Variants in BCAS3 observed in about 807,000 individuals in gnomAD.
BCAS3 encodes BCAS4/BCAS3 fusion.
A neutral mutation model predicts 116.1 loss-of-function variants in BCAS3; 53 were observed. The observed-to-expected ratio is 0.46, with a 90% CI of 0.37 to 0.57. The LOEUF is 0.57. BCAS3 is among the 20% of genes least tolerant of loss of function. The pLI, the probability that BCAS3 is intolerant of heterozygous loss-of-function variation, is 0.00. For missense variants in BCAS3, 917 were observed against 1,165.4 expected (o/e 0.79, Z 3.10); for synonymous variants, 391 against 408.2 (o/e 0.96, Z 0.51).
At chr17:60,724,848 T>C (rs1461388157) in intron 5 of BCAS3, among the ~76,000 whole-genome samples, 1 of 152,002 alleles carries the variant, frequency 6.6e-6, no homozygotes, top group Non-Finnish European at 1.5e-5. Context: ...TATTTCTTTT[T>C]TGTTTCATTT....
intron 23 of BCAS3, chr17:61,383,647 C>G (rs1390001986): frequency 1.3e-5 from 2 of 152,294 alleles, no homozygotes; most frequent in Non-Finnish European, 2.9e-5. Flanking sequence ...GAGCACAGGC[C>G]TTTGCCTTTG....
At chr17:61,201,148 A>G (rs914448822) in intron 22 of BCAS3, among the ~76,000 whole-genome samples, 3 of 152,252 alleles carry the variant, frequency 2.0e-5, no homozygotes, top group African/African-American at 7.2e-5. Flanking sequence ...CCAAACAATG[A>G]CAGGAATATT....
chr17:61,335,502 G>A (rs935319701), intron 22 of BCAS3, among the ~76,000 whole-genome samples: 16 of 152,256 alleles, frequency 1.1e-4, no homozygotes, highest in Admixed American at 5.2e-4. Context: ...TCAGAGCTCC[G>A]GGGAGTCAGG....
chr17:61,276,706 G>GATCCTAAAATTTACAT lies in BCAS3; in HGVS notation c.2426-91618_2426-91603dup, dbSNP rs1300788149. ...ACTTATTTGCAGAAATTGACAAGCT[G>GATCCTAAAATTTACAT]ATCCTAAAATTTACATATAAATTCA... is the stretch of plus-strand genomic sequence containing the variant. On this transcript the variant is annotated intron_variant, in intron 22 of 23. Transcript: ENST00000407086. The surrounding 1 kb of genome is among the most constrained non-coding windows in gnomAD (Gnocchi z 4.2). Among the ~76,000 whole-genome samples the GATCCTAAAATTTACAT allele has an allele frequency of 1.3e-5, 2 of 152,068 alleles. No individual in the cohort carries two copies. Among genetic ancestry groups the GATCCTAAAATTTACAT allele is most frequent in the Admixed American group, 6.6e-5 (1 of 15,266 alleles).
At chr17:60,846,228 C>G (rs1320527874) in intron 7 of BCAS3, among the ~76,000 whole-genome samples, 2 of 152,178 alleles carry the variant, frequency 1.3e-5, no homozygotes, top group Non-Finnish European at 2.9e-5. Context: ...CCACACCCAG[C>G]CCCATTCTAC....
intron 22 of BCAS3, among the ~76,000 whole-genome samples, chr17:61,101,569 C>A (rs1404588366): frequency 6.6e-6 from 1 of 152,092 alleles, no homozygotes. Flanking sequence ...GGACCTGACA[C>A]CTTGATCTTC....
intron 19 of BCAS3, among the ~76,000 whole-genome samples, chr17:61,044,340 G>A (rs551648107): frequency 6.0e-5 from 9 of 151,160 alleles, no homozygotes; most frequent in Admixed American, 2.0e-4. Context: ...CCAGCAACTC[G>A]GGAGGCTGAG....
At chr17:61,305,665 G>A (rs1341604904) in intron 22 of BCAS3, among the ~76,000 whole-genome samples, 3 of 152,246 alleles carry the variant, frequency 2.0e-5, no homozygotes, top group Non-Finnish European at 4.4e-5. Context: ...GGAGGCTGAG[G>A]CGGGCGGATC....
intron 19 of BCAS3, among the ~76,000 whole-genome samples, chr17:61,057,060 A>G (rs2069456883): frequency 6.6e-6 from 1 of 152,204 alleles, no homozygotes; most frequent in Non-Finnish European, 1.5e-5. Flanking sequence ...TAATCATATA[A>G]ATATGGATTT....
At position 60,769,339 on chromosome 17, in the gene BCAS3, G is replaced by T. The variant is rs1374430588; in HGVS notation, c.403+22060G>T. ...AGGAGAGTGAGGCCACTCTTAGTGGGAGCAGTGTAGGGAGGTAGCTGTGGG... is the reference window on the plus strand; with the variant it reads ...AGGAGAGTGAGGCCACTCTTAGTGGTAGCAGTGTAGGGAGGTAGCTGTGGG... On this transcript the variant is annotated intron_variant, in intron 6 of 23. Transcript: ENST00000407086. Among the ~76,000 whole-genome samples, 3 of 152,200 alleles carry T rather than the reference G, an allele frequency of 2.0e-5. No individual in the cohort carries two copies. In the East Asian group the frequency reaches 5.8e-4, roughly 29 times the overall value.
rs551914266 is a variant in BCAS3 at position 61,054,181 on chromosome 17, G to A, written c.2029+13289G>A. On this transcript the variant is annotated intron_variant, in intron 19 of 23. Coordinates refer to ENST00000407086, the MANE Select transcript of BCAS3 (RefSeq NM_017679.5). ...TAGATCTTCAGACCTGTACAATAGA[G>A]TTCATTGAGTTTTTCTGTCATTGCT... Among the ~76,000 whole-genome samples, 9 of 152,252 alleles carry A rather than the reference G, an allele frequency of 5.9e-5. No individual in the cohort carries two copies. The East Asian group carries it at 1.7e-3, about 29-fold the overall frequency.
intron 9 of BCAS3, among the ~76,000 whole-genome samples, chr17:60,879,465 C>G (rs1223878265): frequency 6.6e-6 from 1 of 152,016 alleles, no homozygotes; most frequent in African/African-American, 2.4e-5. Flanking sequence ...GGAACGCATC[C>G]AATATGATGA....
chr17:60,849,910 T>TACCGTGCC (rs2052919076), intron 7 of BCAS3, among the ~76,000 whole-genome samples: 1 of 152,168 alleles, frequency 6.6e-6, no homozygotes, highest in South Asian at 2.1e-4. Context: ...ACAGGCGTGC[T>TACCGTGCC]ACCGTGCCTC....
In BCAS3 at chr17:60,860,706, A is replaced by G. The variant is rs146804722; in HGVS notation, c.477-7870A>G. ...AGAGCCCAGTTTCAATCTCCTGCATATGGTTTGCCAGTAGTCCCACCACCA... is the reference window on the plus strand; with the variant it reads ...AGAGCCCAGTTTCAATCTCCTGCATGTGGTTTGCCAGTAGTCCCACCACCA... On this transcript the variant is annotated intron_variant, in intron 7 of 23. Transcript: ENST00000407086. 3.6e-3 allele frequency among the ~76,000 whole-genome samples: 548 copies of G among 152,254 alleles called. 10 individuals are homozygous for G. The highest frequency in any genetic ancestry group is 1.7e-3 in the Non-Finnish European group (113 of 68,004).
intron 7 of BCAS3, among the ~76,000 whole-genome samples, chr17:60,814,298 TGTGTGTGTGCGCGC>T (rs919353933): frequency 2.6e-5 from 3 of 115,062 alleles, no homozygotes; most frequent in Non-Finnish European, 3.4e-5. Context: ...TGTGTGTGTG[TGTGTGTGTGCGCGC>T]GTGCCCATTG....
rs2078206221 is a variant in BCAS3 at position 61,162,165 on chromosome 17, ATAT to A, written c.2425+77603_2425+77605del. Among the ~76,000 whole-genome samples, 1 of 152,182 alleles carries A rather than the reference ATAT, an allele frequency of 6.6e-6. No individual in the cohort carries two copies. Among genetic ancestry groups the A allele is most frequent in the Admixed American group, 6.5e-5 (1 of 15,288 alleles). On this transcript the variant is annotated intron_variant, in intron 22 of 23. Transcript: ENST00000407086. This position sits in a 1 kb window ranked among gnomAD's most constrained non-coding sequence, Gnocchi z 5.6. ...TGTTTTTCTTCAGTAAAAATTGAAG[ATAT>A]TTTATTGGGAAATATCCTGGGTAAG...
chr17:61,057,163 A>G (rs984565667), intron 19 of BCAS3, among the ~76,000 whole-genome samples: 1 of 152,184 alleles, frequency 6.6e-6, no homozygotes, highest in Non-Finnish European at 1.5e-5. Context: ...CTTACTTACC[A>G]TCTTTTAAAT....
In BCAS3 at chr17:61,348,237, G is replaced by A. The variant is rs1451456951; in HGVS notation, c.2426-20090G>A. On this transcript the variant is annotated intron_variant, in intron 22 of 23. Transcript: ENST00000407086. The surrounding 1 kb of genome is among the most constrained non-coding windows in gnomAD (Gnocchi z 4.5). The stretch of plus-strand genomic sequence containing the variant: ...GCGATGTTTGGGCCAATGAGAAGAT[G>A]GTGTTGCCACCCACCTAAGTAGGGA... Among the ~76,000 whole-genome samples, 1 of 152,092 alleles carries A rather than the reference G, an allele frequency of 6.6e-6. No individual in the cohort carries two copies. The highest frequency in any genetic ancestry group is 1.5e-5 in the Non-Finnish European group (1 of 68,036).
At chr17:60,744,450 G>A (rs2041863922) in intron 5 of BCAS3, among the ~76,000 whole-genome samples, 1 of 152,144 alleles carries the variant, frequency 6.6e-6, no homozygotes, top group South Asian at 2.1e-4. Context: ...ACCATCCTCT[G>A]TGTGTCCTTT....
Sources: gnomAD v4.1 joint callset for allele counts (sites outside exome capture counted in the v4.1 genomes callset) on GRCh38, gnomAD v4.1.1 for gene constraint, Gnocchi (gnomAD v3.1) non-coding constraint, MANE v1.5 for transcripts, NCBI Gene and HGNC (gene_info 2026-07-23, HGNC 2026-07-21) for gene names.